The following HS6ST3 variants were observed in gnomAD, a reference collection of about 807,000 sequenced individuals.
The protein encoded by HS6ST3 is heparan sulfate 6-O-sulfotransferase 3, also known as heparan-sulfate 6-O-sulfotransferase 3.
In HS6ST3, 12 loss-of-function variants were observed where a neutral mutation model predicts 36.7. The observed-to-expected ratio is 0.33, with a 90% CI of 0.21 to 0.53. The LOEUF (loss-of-function observed/expected upper bound fraction) is 0.53. Among genes scored for constraint, HS6ST3 ranks in the 20% least tolerant of loss-of-function variants. HS6ST3 has a pLI of 0.95. For synonymous variants in HS6ST3, 240 were observed against 257.5 expected (o/e 0.93, Z 0.65); for missense variants, 584 against 640.9 (o/e 0.91, Z 0.96).
At chr13:96,591,656 A>G (rs941966301) in intron 1 of HS6ST3, among the ~76,000 whole-genome samples, 3 of 152,000 alleles carry the variant, frequency 2.0e-5, no homozygotes, top group Admixed American at 6.6e-5. Context: ...GGACAATTTG[A>G]CTTCTTTCTT....
chr13:96,492,636 A>G (rs544302046), intron 1 of HS6ST3, among the ~76,000 whole-genome samples: 1 of 152,322 alleles, frequency 6.6e-6, no homozygotes, highest in South Asian at 2.1e-4. Flanking sequence ...AATGGCCTGT[A>G]CTGAGACCCT....
chr13:96,150,695 G>A (rs990987672), intron 1 of HS6ST3, among the ~76,000 whole-genome samples: 3 of 152,006 alleles, frequency 2.0e-5, no homozygotes, highest in South Asian at 2.1e-4. Context: ...TCCTGTCGCC[G>A]TAGGTCCCCT....
chr13:96,228,050 G>A (rs961201759), intron 1 of HS6ST3, among the ~76,000 whole-genome samples: 2 of 152,074 alleles, frequency 1.3e-5, no homozygotes, highest in African/African-American at 4.8e-5. Context: ...TTCTTAGAAG[G>A]TTATCACCTC....
At chr13:96,199,003 G>A (rs1487529015) in intron 1 of HS6ST3, among the ~76,000 whole-genome samples, 1 of 152,162 alleles carries the variant, frequency 6.6e-6, no homozygotes, top group East Asian at 1.9e-4. Context: ...ACATACCTGG[G>A]GAGGCCTCAG....
intron 1 of HS6ST3, among the ~76,000 whole-genome samples, chr13:96,788,359 C>T (rs1246622460): frequency 1.3e-5 from 2 of 151,788 alleles, no homozygotes; most frequent in Non-Finnish European, 2.9e-5. Flanking sequence ...GAATTGGTAT[C>T]TTAACTATAT....
chr13:96,558,133 C>T (rs2056248305), intron 1 of HS6ST3, among the ~76,000 whole-genome samples: 2 of 152,148 alleles, frequency 1.3e-5, no homozygotes, highest in African/African-American at 2.4e-5. Flanking sequence ...ATCTTCTCCT[C>T]AATGCTCGTT....
chr13:96,561,574 G>T (rs780397663), intron 1 of HS6ST3, among the ~76,000 whole-genome samples: 3 of 151,984 alleles, frequency 2.0e-5, no homozygotes, highest in Non-Finnish European at 4.4e-5. Flanking sequence ...CACAGCAAAA[G>T]AAATTATCAA....
At chr13:96,446,019 A>C in intron 1 of HS6ST3, among the ~76,000 whole-genome samples, 1 of 151,922 alleles carries the variant, frequency 6.6e-6, no homozygotes, top group Non-Finnish European at 1.5e-5. Context: ...AAAAATACAA[A>C]AAAATTAGCC....
chr13:96,205,736 T>C (rs115223338), intron 1 of HS6ST3, among the ~76,000 whole-genome samples: 6,290 of 151,928 alleles, frequency 0.041, 208 homozygotes, highest in African/African-American at 0.087. Context: ...CACATGATTA[T>C]CCCAATAGAT....
chr13:96,160,184 G>T (rs2139328240), intron 1 of HS6ST3, among the ~76,000 whole-genome samples: 1 of 152,264 alleles, frequency 6.6e-6, no homozygotes. Flanking sequence ...AGAGCACATT[G>T]TATGTAAGGA....
intron 1 of HS6ST3, among the ~76,000 whole-genome samples, chr13:96,458,771 G>A (rs2055767071): frequency 6.6e-6 from 1 of 152,064 alleles, no homozygotes; most frequent in Admixed American, 6.6e-5. Flanking sequence ...ACTGGATACT[G>A]CATGAGACAC....
chr13:96,751,103 A>G (rs764624464), intron 1 of HS6ST3, among the ~76,000 whole-genome samples: 9 of 152,180 alleles, frequency 5.9e-5, no homozygotes, highest in Non-Finnish European at 1.2e-4. Context: ...TTATTGAAAC[A>G]GTATTTAAAA....
chr13:96,398,374 C>CT (rs2055432843), intron 1 of HS6ST3, among the ~76,000 whole-genome samples: 1 of 152,134 alleles, frequency 6.6e-6, no homozygotes, highest in African/African-American at 2.4e-5. Flanking sequence ...CCTCTGCCTC[C>CT]TGGGTTCAAG....
At chr13:96,315,088 A>G (rs1453541444) in intron 1 of HS6ST3, among the ~76,000 whole-genome samples, 1 of 152,230 alleles carries the variant, frequency 6.6e-6, no homozygotes, top group Non-Finnish European at 1.5e-5. Flanking sequence ...AATTGTTACT[A>G]AACAGAAAGT....
intron 1 of HS6ST3, among the ~76,000 whole-genome samples, chr13:96,388,540 C>T (rs186216451): frequency 8.8e-4 from 134 of 152,250 alleles, no homozygotes; most frequent in Non-Finnish European, 1.1e-3. Context: ...AAGAAGTATA[C>T]GAATATACCT....
At chr13:96,563,990 C>A (rs1363509544) in intron 1 of HS6ST3, among the ~76,000 whole-genome samples, 1 of 152,092 alleles carries the variant, frequency 6.6e-6, no homozygotes, top group African/African-American at 2.4e-5. Context: ...TGGTCATAGC[C>A]CCTTCAGGTA....
intron 1 of HS6ST3, among the ~76,000 whole-genome samples, chr13:96,736,448 A>G (rs1263325056): frequency 1.3e-5 from 2 of 152,240 alleles, no homozygotes; most frequent in Non-Finnish European, 2.9e-5. Flanking sequence ...TCATCAAATA[A>G]TGTAGTATCA....
chr13:96,664,210 G>C (rs1403086668), intron 1 of HS6ST3, among the ~76,000 whole-genome samples: 1 of 152,140 alleles, frequency 6.6e-6, no homozygotes, highest in Non-Finnish European at 1.5e-5. Flanking sequence ...ATGCAACATA[G>C]TGTATGTGTG....
intron 1 of HS6ST3, among the ~76,000 whole-genome samples, chr13:96,731,853 G>A (rs1223632612): frequency 3.3e-5 from 5 of 151,800 alleles, no homozygotes; most frequent in Middle Eastern, 3.4e-3. Flanking sequence ...ACAGGGTCTC[G>A]CTATGTTGCC....
Sources: allele counts gnomAD v4.1 joint callset (sites outside exome capture counted in the v4.1 genomes callset), GRCh38; gene constraint gnomAD v4.1.1; transcripts MANE v1.5; gene names NCBI Gene and HGNC (gene_info 2026-07-23, HGNC 2026-07-21).